Variants in TANK observed in about 807,000 individuals in gnomAD.
TANK encodes the protein TRAF family member-associated NF-kappa-B activator.
In TANK, 15 loss-of-function variants were observed where a neutral mutation model predicts 43.6. That is an observed-to-expected ratio of 0.34 (90% CI 0.23 to 0.53). The LOEUF (loss-of-function observed/expected upper bound fraction) is 0.53, where lower values mean the gene tolerates loss of function less well. Among genes scored for constraint, TANK ranks in the 20% least tolerant of loss-of-function variants. The pLI is 0.94. For synonymous variants in TANK, 162 were observed against 178.2 expected, an observed-to-expected ratio of 0.91 and a Z score of 0.73; for missense variants, 417 against 498.6, an observed-to-expected ratio of 0.84 and a Z score of 1.56.
At chr2:161,157,241 T>C (rs563860026), upstream of TANK, among the ~76,000 whole-genome samples, 53 of 152,310 alleles carry the variant, frequency 3.5e-4, 2 homozygotes, top group South Asian at 0.011. Context: ...ATAAGTCCAG[T>C]ATCCTATCAA....
chr2:161,137,803 G>A (rs1286064251), intron 1 of TANK: 3 of 151,782 alleles, frequency 2.0e-5, no homozygotes, highest in African/African-American at 7.3e-5. Flanking sequence ...ATGAAACCCC[G>A]TCTCTACTAA....
intron 4 of TANK, among the ~76,000 whole-genome samples, chr2:161,222,359 T>C (rs1687389029): frequency 1.3e-5 from 2 of 152,100 alleles, no homozygotes. Flanking sequence ...TAATATATAA[T>C]CACTTATTTT....
chr2:161,156,254 T>C, upstream of TANK: 2 of 985,442 alleles, frequency 2.0e-6, no homozygotes, highest in East Asian at 1.1e-4. Flanking sequence ...ACTCTAATCA[T>C]TGATTTATTA....
At chr2:161,170,155 A>G (rs1457650969) in intron 1 of TANK, among the ~76,000 whole-genome samples, 1 of 152,214 alleles carries the variant, frequency 6.6e-6, no homozygotes, top group Non-Finnish European at 1.5e-5. Flanking sequence ...AAATAGAATT[A>G]AGATGATTAG....
intron 1 of TANK, among the ~76,000 whole-genome samples, chr2:161,148,408 TA>T (rs1683976852): frequency 6.6e-6 from 1 of 152,216 alleles, no homozygotes; most frequent in Non-Finnish European, 1.5e-5. Flanking sequence ...ATGAGTTTTT[TA>T]TATATTCTAG....
chr2:161,138,015 T>C, intron 1 of TANK: 1 of 636,156 alleles, frequency 1.6e-6, no homozygotes, highest in Non-Finnish European at 1.9e-6. Context: ...ATTTTTCTCA[T>C]CTCATAAAAA....
chr2:161,176,706 G>T (rs1196360378), intron 1 of TANK, among the ~76,000 whole-genome samples: 1 of 152,114 alleles, frequency 6.6e-6, no homozygotes, highest in Non-Finnish European at 1.5e-5. Context: ...TGAAGAAAAA[G>T]AAACTTTGGT....
chr2:161,232,318 G>A (rs1053027389), intron 7 of TANK, among the ~76,000 whole-genome samples: 3 of 152,146 alleles, frequency 2.0e-5, no homozygotes, highest in Non-Finnish European at 2.9e-5. Flanking sequence ...AGAAGCTTAT[G>A]AAAATACAGA....
At chr2:161,211,376 C>T (rs960522589) in intron 4 of TANK, among the ~76,000 whole-genome samples, 5 of 152,234 alleles carry the variant, frequency 3.3e-5, no homozygotes, top group African/African-American at 1.2e-4. Context: ...TCTCTCAACA[C>T]TCCAGACACT....
At chr2:161,156,954 C>T (rs1319844728), upstream of TANK, among the ~76,000 whole-genome samples, 1 of 152,154 alleles carries the variant, frequency 6.6e-6, no homozygotes, top group African/African-American at 2.4e-5. Flanking sequence ...TATTAGTTTC[C>T]TAAGCTTGGA....
chr2:161,170,007 A>G (rs1160641877), intron 1 of TANK, among the ~76,000 whole-genome samples: 2 of 152,162 alleles, frequency 1.3e-5, no homozygotes, highest in African/African-American at 4.8e-5. Context: ...CACCTTCTTC[A>G]TTGTTGGGAT....
chr2:161,216,416 C>G (rs563060942), intron 4 of TANK: 1 of 470,312 alleles, frequency 2.1e-6, no homozygotes, highest in Non-Finnish European at 4.4e-6. Context: ...CTGTCCTCAG[C>G]TCTTGCTTCT....
At chr2:161,226,427 T>C (rs1013826090) in intron 6 of TANK, among the ~76,000 whole-genome samples, 4 of 152,110 alleles carry the variant, frequency 2.6e-5, no homozygotes, top group African/African-American at 7.2e-5. Flanking sequence ...AATATTATAC[T>C]CTGACAGTGG....
At chr2:161,181,276 C>T (rs1447415112) in intron 2 of TANK, among the ~76,000 whole-genome samples, 3 of 152,186 alleles carry the variant, frequency 2.0e-5, no homozygotes, top group African/African-American at 7.2e-5. Flanking sequence ...CAAAATTAGC[C>T]AGGCATGGTG....
intron 2 of TANK, among the ~76,000 whole-genome samples, chr2:161,180,959 TC>T (rs1160790270): frequency 6.6e-6 from 1 of 151,842 alleles, no homozygotes; most frequent in Admixed American, 6.6e-5. Context: ...CAACCAAAAT[TC>T]CAGATTCTCT....
intron 1 of TANK, chr2:161,139,611 A>G: frequency 1.4e-6 from 1 of 705,448 alleles, no homozygotes; most frequent in African/African-American, 1.9e-5. Flanking sequence ...TCCAATTAAA[A>G]TAATAAATTG....
chr2:161,184,475 TATAC>T (rs1244161907), intron 2 of TANK, among the ~76,000 whole-genome samples: 3 of 152,220 alleles, frequency 2.0e-5, no homozygotes, highest in African/African-American at 7.2e-5. Flanking sequence ...TATCTATTAA[TATAC>T]ATACTAAATG....
chr2:161,198,621 G>A (rs891307648), intron 2 of TANK, among the ~76,000 whole-genome samples: 8 of 152,204 alleles, frequency 5.3e-5, no homozygotes, highest in Non-Finnish European at 1.2e-4. Context: ...AGCATATCGC[G>A]AGACAAATAC....
chr2:161,194,995 G>C (rs1361386696), intron 2 of TANK, among the ~76,000 whole-genome samples: 1 of 151,934 alleles, frequency 6.6e-6, no homozygotes, highest in Non-Finnish European at 1.5e-5. Context: ...TTATTTCTTT[G>C]TTGTACATTG....
Sources: gnomAD v4.1 joint callset for allele counts (sites outside exome capture counted in the v4.1 genomes callset) on GRCh38, gnomAD v4.1.1 for gene constraint, MANE v1.5 for transcripts, NCBI Gene and HGNC (gene_info 2026-07-23, HGNC 2026-07-21) for gene names.